Variants in ITPKB observed in about 807,000 individuals in gnomAD.
The protein encoded by ITPKB is IP3 3-kinase B.
ITPKB carries 13 observed loss-of-function variants against 69.4 expected under a neutral mutation model. That is an observed-to-expected ratio of 0.19 (90% CI 0.12 to 0.30). The LOEUF (loss-of-function observed/expected upper bound fraction) is 0.30. ITPKB is among the 10% of genes least tolerant of loss of function. The pLI, the probability that ITPKB is intolerant of heterozygous loss-of-function variation, is 1.00. For missense variants in ITPKB, 1,240 were observed against 1,250.5 expected (o/e 0.99, Z 0.13); for synonymous variants, 584 against 513.7 (o/e 1.14, Z -1.85).
At chr1:226,667,328 T>C (rs1180808487) in intron 2 of ITPKB, among the ~76,000 whole-genome samples, 1 of 152,152 alleles carries the variant, frequency 6.6e-6, no homozygotes, top group Non-Finnish European at 1.5e-5. Context: ...AACATAAACA[T>C]GTGGGAACCC....
chr1:226,701,736 A>G lies in ITPKB; in HGVS notation c.1932+33791T>C, dbSNP rs528975663. 2.0e-4 allele frequency among the ~76,000 whole-genome samples: 30 copies of G among 151,836 alleles called. 1 individual carries two copies. The South Asian group carries it at 4.0e-3, about 20-fold the overall frequency. On this transcript the variant is annotated intron_variant, in intron 2 of 7. Coordinates refer to ENST00000429204, the MANE Select transcript of ITPKB (RefSeq NM_002221.4). ...GCACACAGGGAGTAGGAGGGGTGGG[A>G]CAGTCTTCCCAAATTCTGCTGCTGG...
At chr1:226,693,544 C>G (rs1345705899) in intron 2 of ITPKB, among the ~76,000 whole-genome samples, 1 of 152,222 alleles carries the variant, frequency 6.6e-6, no homozygotes, top group Admixed American at 6.5e-5. Context: ...CAGACACATA[C>G]AACTGAAAAC....
chr1:226,719,498 T>G (rs1657176036), intron 2 of ITPKB, among the ~76,000 whole-genome samples: 1 of 150,952 alleles, frequency 6.6e-6, no homozygotes, highest in African/African-American at 2.5e-5. Context: ...CTCTATCACC[T>G]ATTGAGAATA....
chr1:226,725,045 C>T, intron 2 of ITPKB, among the ~76,000 whole-genome samples: 1 of 136,272 alleles, frequency 7.3e-6, no homozygotes, highest in South Asian at 2.3e-4. Context: ...AGTTCCTTTA[C>T]TCCCTGTTCC....
intron 2 of ITPKB, among the ~76,000 whole-genome samples, chr1:226,716,897 T>C (rs1039881310): frequency 2.6e-5 from 4 of 152,322 alleles, no homozygotes; most frequent in Non-Finnish European, 5.9e-5. Flanking sequence ...TTTAAGCCCA[T>C]ATAGAAAACA....
intron 6 of ITPKB, among the ~76,000 whole-genome samples, chr1:226,638,546 G>A (rs778245200): frequency 5.9e-5 from 9 of 152,312 alleles, no homozygotes; most frequent in South Asian, 4.1e-4. Flanking sequence ...CCAGGGAGCC[G>A]TGCACTTGGG....
Position 226,634,675 on chromosome 1 carries a change from G to A in ITPKB, c.2837C>T (p.Ala946Val). 1 of 815,426 alleles carries A rather than the reference G, an allele frequency of 1.2e-6. No homozygotes were observed. Among genetic ancestry groups the A allele is most frequent in the Non-Finnish European group, 2.2e-6 (1 of 449,916 alleles). The allele number at this position is 815,426 out of a possible 1,614,324, so 50.5% of individuals were successfully genotyped here. A position where few individuals can be genotyped will look rare whatever the true frequency, so the allele number is the denominator to read the frequency against. The change falls in exon 8 of 8, where the codon GCC becomes GTC. Residue 946 changes from alanine to valine, a missense_variant. Around this residue, in one of 2 missense-constraint regions of ITPKB, gnomAD observed 248 missense variants for 396.7 expected, o/e 0.63. Coordinates refer to ENST00000429204, the MANE Select transcript of ITPKB (RefSeq NM_002221.4). The surrounding 1 kb of genome is among the most constrained non-coding windows in gnomAD (Gnocchi z 6.3). ...GCCAGGGAGGGCGTGGGCAGCTCAGGCGAGTGGGGCATCCTGGGACATCTC... is the reference window on the plus strand; with the variant it reads ...GCCAGGGAGGGCGTGGGCAGCTCAGACGAGTGGGGCATCCTGGGACATCTC... The part of the protein sequence containing the change: ...LTEMSQDAPL[A>V]
At chr1:226,670,204 AT>A (rs1669588276) in intron 2 of ITPKB, among the ~76,000 whole-genome samples, 6 of 149,916 alleles carry the variant, frequency 4.0e-5, no homozygotes, top group African/African-American at 1.2e-4. Context: ...AAAAAAAAAA[AT>A]TTCAATAGTG....
At chr1:226,668,200 T>C (rs1293077997) in intron 2 of ITPKB, among the ~76,000 whole-genome samples, 1 of 152,230 alleles carries the variant, frequency 6.6e-6, no homozygotes, top group Non-Finnish European at 1.5e-5. Flanking sequence ...CTTTTAATAA[T>C]ATATGTAAGC....
chr1:226,737,283 G>A lies in ITPKB; in HGVS notation c.176C>T (p.Pro59Leu). ...CTCGGGGGACAGCGACTCGGCTGGGGGGAAGAGGAAAGAGGCGCCTCTCCC... is the reference window on the plus strand; with the variant it reads ...CTCGGGGGACAGCGACTCGGCTGGGAGGAAGAGGAAAGAGGCGCCTCTCCC... ...SPGRGASFLF[P>L]PAESLSPEEP... Residue 59 changes from proline (P) to leucine (L), a missense_variant, in exon 2 of 8, where the codon CCC becomes CTC. Physicochemically the swap from Pro to Leu is moderately conservative, Grantham distance 98. Coordinates refer to ENST00000429204, the MANE Select transcript of ITPKB (RefSeq NM_002221.4). The A allele has an allele frequency of 6.4e-7, 1 of 1,558,998 alleles. No individual in the cohort carries two copies. Among genetic ancestry groups the A allele is most frequent in the Non-Finnish European group, 8.6e-7 (1 of 1,159,908 alleles).
chr1:226,711,311 G>C (rs550119224), intron 2 of ITPKB, among the ~76,000 whole-genome samples: 6 of 151,944 alleles, frequency 3.9e-5, no homozygotes, highest in African/African-American at 9.7e-5. Context: ...ACTCCAGTTC[G>C]ATATCCTCTT....
chr1:226,649,791 T>G (rs1468282681), intron 2 of ITPKB, among the ~76,000 whole-genome samples: 2 of 148,904 alleles, frequency 1.3e-5, no homozygotes, highest in Non-Finnish European at 3.0e-5. Context: ...TACTTGAAAA[T>G]AAATAAAATT....
At chr1:226,708,087 T>C (rs1656853810) in intron 2 of ITPKB, among the ~76,000 whole-genome samples, 1 of 152,174 alleles carries the variant, frequency 6.6e-6, no homozygotes, top group Admixed American at 6.5e-5. Flanking sequence ...GATTACTGTA[T>C]GAAATGACGT....
At chr1:226,636,715 C>A (rs1348710501) in intron 7 of ITPKB, among the ~76,000 whole-genome samples, 2 of 152,024 alleles carry the variant, frequency 1.3e-5, no homozygotes, top group Non-Finnish European at 2.9e-5. Context: ...TTCACACCCA[C>A]CCACCCATGG....
chr1:226,675,317 G>T (rs943463311), intron 2 of ITPKB, among the ~76,000 whole-genome samples: 1 of 152,154 alleles, frequency 6.6e-6, no homozygotes, highest in Non-Finnish European at 1.5e-5. Flanking sequence ...CGTTCAAGAA[G>T]CCGGCCACAC....
intron 2 of ITPKB, among the ~76,000 whole-genome samples, chr1:226,652,068 G>A (rs966972737): frequency 6.6e-6 from 1 of 152,168 alleles, no homozygotes; most frequent in African/African-American, 2.4e-5. Context: ...CAGCACACAG[G>A]GTTTCCCCAT....
At position 226,736,251 on chromosome 1, in the gene ITPKB, G is replaced by T. The variant is rs992232838; in HGVS notation, c.1208C>A (p.Ala403Glu). The change falls in exon 2 of 8, where the codon GCA becomes GAA. Residue 403 changes from alanine to glutamate, a missense_variant. This residue lies in a region of ITPKB where 992 missense variants were observed against 853.8 expected (regional missense o/e 1.16). Transcript: ENST00000429204. ...PEETTVSVQS[A>E]ESSDSLSWSR... Reference sequence around the variant, plus strand: ...CCAGCTCAGGGAATCAGAGGACTCTGCGCTTTGCACGCTCACAGTCGTCTC... The same window carrying T: ...CCAGCTCAGGGAATCAGAGGACTCTTCGCTTTGCACGCTCACAGTCGTCTC... The T allele has an allele frequency of 9.6e-6, 15 of 1,563,004 alleles. No homozygotes were observed. Among genetic ancestry groups the T allele is most frequent in the Non-Finnish European group, 1.3e-5 (15 of 1,157,198 alleles).
intron 2 of ITPKB, among the ~76,000 whole-genome samples, chr1:226,675,262 C>G (rs561013939): frequency 6.6e-6 from 1 of 152,124 alleles, no homozygotes; most frequent in Non-Finnish European, 1.5e-5. Context: ...GGGAAACGCT[C>G]GCTTGAAACA....
intron 2 of ITPKB, among the ~76,000 whole-genome samples, chr1:226,649,428 TGTGC>T (rs1416939910): frequency 7.4e-6 from 1 of 135,000 alleles, no homozygotes; most frequent in African/African-American, 2.9e-5. Flanking sequence ...TGCATGAGTG[TGTGC>T]GTATGTGTGC....
Sources: allele counts gnomAD v4.1 joint callset (sites outside exome capture counted in the v4.1 genomes callset), GRCh38; gene constraint gnomAD v4.1.1; regional missense constraint gnomAD v4.1.1; non-coding constraint Gnocchi (gnomAD v3.1); transcripts MANE v1.5; gene names NCBI Gene and HGNC (gene_info 2026-07-23, HGNC 2026-07-21).